EPB41L3: variants seen among roughly 807,000 people sequenced by gnomAD.
EPB41L3 encodes erythrocyte membrane protein band 4.1 like 3.
EPB41L3 carries 57 observed loss-of-function variants against 127.1 expected under a neutral mutation model. The ratio of observed to expected loss-of-function variants is 0.45; its 90% CI spans 0.36 to 0.56. EPB41L3 has a LOEUF of 0.56. EPB41L3 is among the 20% of genes least tolerant of loss of function. EPB41L3 has a pLI of 0.00. For synonymous variants in EPB41L3, 572 were observed against 549.5 expected (o/e 1.04, Z -0.57); for missense variants, 1,273 against 1,372.2 (o/e 0.93, Z 1.14).
intron 1 of EPB41L3, among the ~76,000 whole-genome samples, chr18:5,622,417 T>C (rs2094873386): frequency 6.6e-6 from 1 of 152,212 alleles, no homozygotes; most frequent in Non-Finnish European, 1.5e-5. Flanking sequence ...AGGTGACTTG[T>C]CGCCAGATAG....
chr18:5,568,448 A>AAT lies in EPB41L3; in HGVS notation c.-306+43891_-306+43892insAT, dbSNP rs71163238. Among the ~76,000 whole-genome samples the AAT allele has an allele frequency of 1.3e-3, 196 of 150,226 alleles. 1 individual carries two copies. The highest frequency in any genetic ancestry group is 4.7e-3 in the African/African-American group (191 of 40,980). The stretch of plus-strand genomic sequence containing the variant: ...ATAGTAAAAAAAAAAAAAAAAAAAA[A>AAT]GTATGAGAGAAAGCAAAGGCTTTGT... On this transcript the variant is annotated intron_variant, in intron 3 of 21. Coordinates refer to the EPB41L3 transcript ENST00000545076.
intron 1 of EPB41L3, among the ~76,000 whole-genome samples, chr18:5,533,669 G>A (rs888674743): frequency 2.0e-5 from 3 of 152,108 alleles, no homozygotes; most frequent in African/African-American, 7.2e-5. Context: ...CGATCACAAA[G>A]CAAGAAAATT....
chr18:5,393,619 C>A, intron 22 of EPB41L3, 141 bp from the exon 23 acceptor site: 1 of 554,838 alleles, frequency 1.8e-6, no homozygotes, highest in Non-Finnish European at 3.2e-6. Flanking sequence ...TAAGTCACTG[C>A]CAATTACATG....
chr18:5,411,929 C>G (rs1389966228), intron 13 of EPB41L3, among the ~76,000 whole-genome samples: 1 of 152,174 alleles, frequency 6.6e-6, no homozygotes, highest in East Asian at 1.9e-4. Context: ...GCTACCAAGT[C>G]TAAGTGGAAA....
chr18:5,570,991 AT>A (rs1330036732), intron 3 of EPB41L3: 1 of 152,272 alleles, frequency 6.6e-6, no homozygotes, highest in East Asian at 1.9e-4. Context: ...ATTTAGAGAC[AT>A]TTTTTTCTTT....
At chr18:5,513,686 C>A (rs898573128) in intron 1 of EPB41L3, among the ~76,000 whole-genome samples, 1 of 152,180 alleles carries the variant, frequency 6.6e-6, no homozygotes. Flanking sequence ...TTAATCATAT[C>A]AGCAAAATGG....
chr18:5,545,869 G>A (rs2093870869), upstream of EPB41L3, among the ~76,000 whole-genome samples: 1 of 109,632 alleles, frequency 9.1e-6, no homozygotes, highest in African/African-American at 3.6e-5. Flanking sequence ...GCACCTGTAT[G>A]ACTCTGTGTG....
At chr18:5,467,301 A>C (rs542130914) in intron 3 of EPB41L3, 1 of 152,354 alleles carries the variant, frequency 6.6e-6, no homozygotes, top group Non-Finnish European at 1.5e-5. Context: ...GGGACAGTAT[A>C]ATCATGAGAG....
rs1202360277 is a variant in EPB41L3 at position 5,406,841 on chromosome 18, G to A, written c.2285C>T (p.Ser762Phe). The A allele has an allele frequency of 2.5e-6, 4 of 1,614,118 alleles. No individual in the cohort carries two copies. Among genetic ancestry groups the A allele is most frequent in the Admixed American group, 3.3e-5 (2 of 60,008 alleles). The change falls in exon 16 of 23, where the codon TCC (serine) becomes TTC (phenylalanine). Residue 762 changes from serine (S) to phenylalanine (F), a missense_variant. Physicochemically the swap from Ser to Phe is radical, Grantham distance 155 (BLOSUM62 -2). Around this residue, in one of 3 missense-constraint regions of EPB41L3, gnomAD observed 765 missense variants for 782.9 expected, o/e 0.98. Transcript: ENST00000341928. Reference protein sequence around the residue: ...TNEWEKRLSTSPVRLAARQED... With the variant: ...TNEWEKRLSTFPVRLAARQED... Reference sequence around the variant, plus strand: ...CTGCCTGGCGGCCAGTCGCACGGGGGAGGTGGAAAGCCTCTTCTCCCATTC... The same window carrying A: ...CTGCCTGGCGGCCAGTCGCACGGGGAAGGTGGAAAGCCTCTTCTCCCATTC...
intron 6 of EPB41L3, among the ~76,000 whole-genome samples, chr18:5,437,650 G>C (rs144198598): frequency 6.6e-6 from 1 of 152,306 alleles, no homozygotes; most frequent in Admixed American, 6.5e-5. Context: ...GTGTGTGTAT[G>C]TGTTGGTTAT....
At chr18:5,582,340 T>C (rs2094401352) in intron 3 of EPB41L3, among the ~76,000 whole-genome samples, 1 of 152,098 alleles carries the variant, frequency 6.6e-6, no homozygotes, top group South Asian at 2.1e-4. Flanking sequence ...AATCCTCATC[T>C]TAGAAGAAAA....
At chr18:5,499,395 A>G (rs541620365) in intron 1 of EPB41L3, among the ~76,000 whole-genome samples, 1 of 152,308 alleles carries the variant, frequency 6.6e-6, no homozygotes, top group East Asian at 1.9e-4. Flanking sequence ...CTACAGTTGC[A>G]TGTTGCCAAT....
At position 5,394,716 on chromosome 18, in the gene EPB41L3, C is replaced by G; in HGVS notation, c.3231G>C (p.Glu1077Asp). 1 of 1,614,168 alleles carries G rather than the reference C, an allele frequency of 6.2e-7. No homozygotes were observed. The highest frequency in any genetic ancestry group is 8.5e-7 in the Non-Finnish European group (1 of 1,180,012). ...MSVTKVVVHK[E>D]TEITPEDGED ...CTCCATCTTCTGGTGTGATCTCTGTCTCTTTATGGACCACTACTTTGGTCA... is the reference window on the plus strand; with the variant it reads ...CTCCATCTTCTGGTGTGATCTCTGTGTCTTTATGGACCACTACTTTGGTCA... The change falls in exon 22 of 23, where the codon GAG (glutamate) becomes GAC (aspartate). Residue 1077 changes from glutamate (E) to aspartate (D), a missense_variant. Transcript: ENST00000341928.
chr18:5,599,145 T>C (rs2094564988), intron 3 of EPB41L3, among the ~76,000 whole-genome samples: 1 of 152,204 alleles, frequency 6.6e-6, no homozygotes, highest in African/African-American at 2.4e-5. Flanking sequence ...TTTCCATGTG[T>C]CAGTTTCCTA....
upstream of EPB41L3, among the ~76,000 whole-genome samples, chr18:5,549,224 G>A (rs544511041): frequency 6.3e-4 from 96 of 151,998 alleles, no homozygotes; most frequent in Non-Finnish European, 1.2e-3. Flanking sequence ...TTTCCAGCAT[G>A]TTTTTTTTCC....
At chr18:5,576,669 T>C (rs1333322206) in intron 3 of EPB41L3, among the ~76,000 whole-genome samples, 1 of 152,186 alleles carries the variant, frequency 6.6e-6, no homozygotes, top group Admixed American at 6.5e-5. Flanking sequence ...TTAAATAGGT[T>C]CCTGAGCTGG....
chr18:5,623,097 T>C (rs546569941), intron 1 of EPB41L3, among the ~76,000 whole-genome samples: 4 of 152,200 alleles, frequency 2.6e-5, no homozygotes, highest in Non-Finnish European at 4.4e-5. Context: ...TTCTGTTATT[T>C]CTATTTGCCA....
At chr18:5,432,810 C>A (rs905559685) in intron 8 of EPB41L3, among the ~76,000 whole-genome samples, 5 of 152,194 alleles carry the variant, frequency 3.3e-5, no homozygotes, top group African/African-American at 1.2e-4. Flanking sequence ...CACCAGTCAA[C>A]GAAGCAAACC....
intron 3 of EPB41L3, among the ~76,000 whole-genome samples, chr18:5,595,640 C>G (rs2094529425): frequency 6.6e-6 from 1 of 152,096 alleles, no homozygotes; most frequent in Non-Finnish European, 1.5e-5. Context: ...TGCATCCCAC[C>G]CCAGCAGCTC....
Sources: allele counts gnomAD v4.1 joint callset (sites outside exome capture counted in the v4.1 genomes callset), GRCh38; gene constraint gnomAD v4.1.1; regional missense constraint gnomAD v4.1.1; transcripts MANE v1.5; gene names NCBI Gene and HGNC (gene_info 2026-07-23, HGNC 2026-07-21).